RNF150: variants seen among roughly 807,000 people sequenced by gnomAD.
The protein encoded by RNF150 is ring finger protein 150.
A neutral mutation model predicts 39.3 loss-of-function variants in RNF150; 24 were observed. The ratio of observed to expected loss-of-function variants is 0.61; its 90% CI spans 0.44 to 0.86. The LOEUF (loss-of-function observed/expected upper bound fraction) is 0.86, where lower values mean the gene tolerates loss of function less well. RNF150 is among the 40% of genes least tolerant of loss of function. RNF150 has a pLI of 0.00. For missense variants in RNF150, 502 were observed against 587.8 expected (o/e 0.85, Z 1.51); for synonymous variants, 255 against 227.3 (o/e 1.12, Z -1.10).
intron 1 of RNF150, among the ~76,000 whole-genome samples, chr4:140,989,744 CTT>C (rs373314707): frequency 6.9e-6 from 1 of 145,482 alleles, no homozygotes. Context: ...TTTCACCTTG[CTT>C]TTTTTTTTTA....
chr4:140,871,410 C>A (rs138332962), intron 6 of RNF150, among the ~76,000 whole-genome samples: 1 of 152,124 alleles, frequency 6.6e-6, no homozygotes, highest in East Asian at 1.9e-4. Context: ...CAAGTATACA[C>A]GAATGGGAGA....
chr4:140,962,776 G>C (rs1021321497), intron 2 of RNF150, among the ~76,000 whole-genome samples: 2 of 151,936 alleles, frequency 1.3e-5, no homozygotes, highest in African/African-American at 2.4e-5. Context: ...CACTGTGACC[G>C]TAAGAGAAAG....
chr4:141,102,100 T>C lies in RNF150; in HGVS notation c.484+30225A>G, dbSNP rs529568740. Among the ~76,000 whole-genome samples, 134 of 152,304 alleles carry C rather than the reference T, an allele frequency of 8.8e-4. 1 individual carries two copies. Among genetic ancestry groups the C allele is most frequent in the Middle Eastern group, 3.4e-3 (1 of 294 alleles). Reference sequence around the variant, plus strand: ...CCCAGCCAGCTCCGTTATAATCTTATGGGACCACCATTATATATGTGGTTT... The same window carrying C: ...CCCAGCCAGCTCCGTTATAATCTTACGGGACCACCATTATATATGTGGTTT... On this transcript the variant is annotated intron_variant, in intron 1 of 6. Transcript: ENST00000515673.
chr4:141,106,219 C>T (rs1044678285), intron 1 of RNF150, among the ~76,000 whole-genome samples: 2 of 152,210 alleles, frequency 1.3e-5, no homozygotes, highest in Admixed American at 6.5e-5. Context: ...AATAATATCA[C>T]ATATCCACTG....
In RNF150 at chr4:141,054,845, G is replaced by A. The variant is rs563773279; in HGVS notation, c.484+77480C>T. Among the ~76,000 whole-genome samples, 5 of 152,238 alleles carry A rather than the reference G, an allele frequency of 3.3e-5. No homozygotes were observed. The South Asian group carries it at 1.0e-3, about 32-fold the overall frequency. Reference sequence around the variant, plus strand: ...TATTAATTTAATAAAACGATGAGGTGAGTGCACATATCGAATTGAAACTAC... The same window carrying A: ...TATTAATTTAATAAAACGATGAGGTAAGTGCACATATCGAATTGAAACTAC... On this transcript the variant is annotated intron_variant, in intron 1 of 6. Coordinates refer to ENST00000515673, the MANE Select transcript of RNF150 (RefSeq NM_020724.2).
intron 4 of RNF150, among the ~76,000 whole-genome samples, chr4:140,941,071 G>A (rs1043656973): frequency 1.3e-5 from 2 of 151,694 alleles, no homozygotes; most frequent in African/African-American, 4.8e-5. Flanking sequence ...AGCAAAAGAA[G>A]AAAAAAAATA....
At chr4:141,004,359 G>T (rs1247071697) in intron 1 of RNF150, among the ~76,000 whole-genome samples, 1 of 152,314 alleles carries the variant, frequency 6.6e-6, no homozygotes, top group Admixed American at 6.5e-5. Context: ...GTCAAGAAAG[G>T]CTCTGGAGAG....
chr4:141,077,923 T>A (rs890865503), intron 1 of RNF150, among the ~76,000 whole-genome samples: 1 of 152,226 alleles, frequency 6.6e-6, no homozygotes, highest in Non-Finnish European at 1.5e-5. Flanking sequence ...ATGTAAATTA[T>A]GAAGGCTTTG....
chr4:141,131,519 T>C (rs1726891113), intron 1 of RNF150, among the ~76,000 whole-genome samples: 1 of 152,218 alleles, frequency 6.6e-6, no homozygotes, highest in Admixed American at 6.5e-5. Context: ...GTCAGGCATA[T>C]GCGGTATTGA....
At chr4:140,885,131 G>C (rs958873552) in intron 6 of RNF150, among the ~76,000 whole-genome samples, 5 of 150,722 alleles carry the variant, frequency 3.3e-5, no homozygotes, top group Admixed American at 3.3e-4. Context: ...CAACATGGCT[G>C]TACTGTTTTT....
chr4:141,072,838 C>A (rs977496471), intron 1 of RNF150, among the ~76,000 whole-genome samples: 16 of 152,100 alleles, frequency 1.1e-4, no homozygotes, highest in Admixed American at 2.0e-4. Flanking sequence ...AATCACCTCC[C>A]AGAATCAAAG....
At chr4:141,089,500 C>A (rs376438841) in intron 1 of RNF150, among the ~76,000 whole-genome samples, 26 of 152,244 alleles carry the variant, frequency 1.7e-4, no homozygotes, top group African/African-American at 6.0e-4. Flanking sequence ...CGACTTGTGT[C>A]AAGAAAACAA....
chr4:141,022,856 C>T (rs1735549210), intron 1 of RNF150, among the ~76,000 whole-genome samples: 1 of 152,146 alleles, frequency 6.6e-6, no homozygotes, highest in Admixed American at 6.6e-5. Context: ...GATGATGTTG[C>T]TTTACTCAAA....
At chr4:140,886,083 C>T (rs1021819546) in intron 6 of RNF150, among the ~76,000 whole-genome samples, 4 of 144,654 alleles carry the variant, frequency 2.8e-5, no homozygotes, top group African/African-American at 7.7e-5. Context: ...CCCAGCTACT[C>T]GGGAGGCTGA....
At chr4:141,197,753 C>G (rs1375912751) in intron 1 of RNF150, among the ~76,000 whole-genome samples, 1 of 151,794 alleles carries the variant, frequency 6.6e-6, no homozygotes, top group Admixed American at 6.6e-5. Flanking sequence ...TGGTGGGTAC[C>G]TGTAGTCCCA....
intron 2 of RNF150, among the ~76,000 whole-genome samples, chr4:140,964,109 C>T (rs141258334): frequency 0.013 from 1,992 of 152,200 alleles, 23 homozygotes; most frequent in Middle Eastern, 0.021. Context: ...GGATGTCTAA[C>T]ATTTGAAAGC....
chr4:141,052,756 T>G (rs1736825630), intron 1 of RNF150, among the ~76,000 whole-genome samples: 1 of 152,206 alleles, frequency 6.6e-6, no homozygotes. Context: ...GAGGAGTGCA[T>G]TTCCCCTCTA....
chr4:141,039,600 C>T (rs943472437), intron 1 of RNF150, among the ~76,000 whole-genome samples: 2 of 152,098 alleles, frequency 1.3e-5, no homozygotes, highest in South Asian at 2.1e-4. Context: ...TCTGCACGTG[C>T]ACACATCCCT....
At chr4:140,976,278 T>C (rs532443831) in intron 1 of RNF150, among the ~76,000 whole-genome samples, 1 of 152,260 alleles carries the variant, frequency 6.6e-6, no homozygotes, top group South Asian at 2.1e-4. Flanking sequence ...ACTCATCTTT[T>C]GAGATTCTTT....
Sources: gnomAD v4.1 joint callset for allele counts (sites outside exome capture counted in the v4.1 genomes callset) on GRCh38, gnomAD v4.1.1 for gene constraint, MANE v1.5 for transcripts, NCBI Gene and HGNC (gene_info 2026-07-23, HGNC 2026-07-21) for gene names.